The following EHD1 variants were observed in gnomAD, a reference collection of about 807,000 sequenced individuals.
EHD1 encodes the protein EH domain containing 1, also known as EH domain-containing protein 1.
In EHD1, 19 loss-of-function variants were observed where a neutral mutation model predicts 39.0. That is an observed-to-expected ratio of 0.49 (90% confidence interval 0.34 to 0.72). EHD1 has a LOEUF of 0.72. Among genes scored for constraint, EHD1 ranks in the 30% least tolerant of loss-of-function variants. The pLI is 0.01. For synonymous variants in EHD1, 323 were observed against 331.2 expected, an observed-to-expected ratio of 0.98 and a Z score of 0.27; for missense variants, 542 against 751.5, an observed-to-expected ratio of 0.72 and a Z score of 3.26.
chr11:64,873,870 G>T (rs1182567547), intron 2 of EHD1, among the ~76,000 whole-genome samples: 1 of 151,278 alleles, frequency 6.6e-6, no homozygotes, highest in South Asian at 2.1e-4. Context: ...GTAGAGATGG[G>T]GTTTCACTGT....
At chr11:64,855,241 A>C in intron 4 of EHD1, 81 bp downstream of exon 4, 1 of 1,523,556 alleles carries the variant, frequency 6.6e-7, no homozygotes. Context: ...TGGAGATGGG[A>C]TTCCCTCCAA....
chr11:64,874,301 CAAAAAAA>C (rs35867760), intron 2 of EHD1, 113 bp downstream of exon 2: 39 of 476,826 alleles, frequency 8.2e-5, no homozygotes, highest in East Asian at 3.0e-4. Context: ...AAGACTCCGT[CAAAAAAA>C]AAAAAAAAAA....
At chr11:64,869,148 C>T (rs138461830) in intron 2 of EHD1, among the ~76,000 whole-genome samples, 74 of 152,358 alleles carry the variant, frequency 4.9e-4, no homozygotes, top group African/African-American at 1.6e-3. Context: ...CAAATATAAA[C>T]GGAATGTTTG....
chr11:64,869,601 T>TA (rs1253856556), intron 2 of EHD1, among the ~76,000 whole-genome samples: 1 of 152,246 alleles, frequency 6.6e-6, no homozygotes, highest in African/African-American at 2.4e-5. Flanking sequence ...CTGGAGAGGC[T>TA]ATGGTGTTTC....
intron 4 of EHD1, 71 bp downstream of exon 4, chr11:64,855,251 A>C (rs1303475977): frequency 2.6e-6 from 4 of 1,549,670 alleles, no homozygotes; most frequent in Middle Eastern, 2.3e-4. Context: ...ATTCCCTCCA[A>C]ATCCAGTGCC....
chr11:64,873,543 G>T (rs1327429637), intron 2 of EHD1, among the ~76,000 whole-genome samples: 2 of 152,160 alleles, frequency 1.3e-5, no homozygotes, highest in Admixed American at 6.5e-5. Flanking sequence ...AGCCACATAA[G>T]ATTGGCTGTG....
At chr11:64,867,478 G>A (rs1184508057) in intron 2 of EHD1, among the ~76,000 whole-genome samples, 1 of 151,808 alleles carries the variant, frequency 6.6e-6, no homozygotes, top group Non-Finnish European at 1.5e-5. Context: ...CAGCACTTTG[G>A]GAGGCCGAGG....
chr11:64,857,373 G>A (rs1048280457), intron 3 of EHD1, among the ~76,000 whole-genome samples: 3 of 152,124 alleles, frequency 2.0e-5, no homozygotes, highest in Admixed American at 1.3e-4. Flanking sequence ...GCAGTGAGCC[G>A]AGATTGCGCC....
At chr11:64,863,930 C>T (rs185228096) in intron 2 of EHD1, among the ~76,000 whole-genome samples, 4 of 152,326 alleles carry the variant, frequency 2.6e-5, no homozygotes, top group African/African-American at 7.2e-5. Flanking sequence ...ACAGGGACAG[C>T]CTCCTTGGCA....
At chr11:64,879,040 C>G (rs1455862742), upstream of EHD1, 14 of 996,374 alleles carry the variant, frequency 1.4e-5, no homozygotes, top group Non-Finnish European at 1.7e-5. Context: ...TCGCCACGTG[C>G]GGTCCTCCAG....
At chr11:64,878,709 G>C (rs1943919680), upstream of EHD1, 1 of 1,348,432 alleles carries the variant, frequency 7.4e-7, no homozygotes, top group African/African-American at 1.5e-5. Context: ...GCGGAATTGG[G>C]GGCGGTAGGG....
chr11:64,877,929 A>C, intron 1 of EHD1, 132 bp downstream of exon 1: 2 of 920,394 alleles, frequency 2.2e-6, no homozygotes, highest in Non-Finnish European at 3.0e-6. Flanking sequence ...TGGACCAGGG[A>C]GTGGTCACTG....
chr11:64,873,928 C>T (rs1352376137), intron 2 of EHD1, among the ~76,000 whole-genome samples: 1 of 151,276 alleles, frequency 6.6e-6, no homozygotes, highest in Non-Finnish European at 1.5e-5. Context: ...CCGCCCACCT[C>T]GGCCTCCCAA....
At position 64,854,485 on chromosome 11, in the gene EHD1, A is replaced by G; in HGVS notation, c.1453T>C (p.Trp485Arg). The G allele has an allele frequency of 6.2e-7, 1 of 1,614,152 alleles. No individual in the cohort carries two copies. The highest frequency in any genetic ancestry group is 8.5e-7 in the Non-Finnish European group (1 of 1,179,992). The change falls in exon 5 of 5, where the codon TGG becomes CGG. Residue 485 changes from tryptophan (W) to arginine (R), a missense_variant. Transcript: ENST00000320631. Reference sequence around the variant, plus strand: ...TCCTTGTCCACGTCGGCCAGCTTCCAGATCTTCCCTAGCACGGTGTTGGGG... The same window carrying G: ...TCCTTGTCCACGTCGGCCAGCTTCCGGATCTTCCCTAGCACGGTGTTGGGG... ...KLPNTVLGKI[W>R]KLADVDKDGL...
At chr11:64,869,271 C>A (rs928450762) in intron 2 of EHD1, among the ~76,000 whole-genome samples, 3 of 152,254 alleles carry the variant, frequency 2.0e-5, no homozygotes, top group Non-Finnish European at 2.9e-5. Context: ...CTGCACGCCC[C>A]CAGCAGAGGC....
chr11:64,878,420 C>T lies in EHD1; in HGVS notation c.45G>A (p.Pro15=), dbSNP rs11545095. The change falls in exon 1 of 5, where the codon CCG becomes CCA. Residue 15 remains proline, a synonymous_variant. Transcript: ENST00000320631. ...VSKDARRKKE[P]ELFQTVAEGL... Reference sequence around the variant, plus strand: ...CCTCAGCCACCGTCTGGAAGAGCTCCGGCTCCTTCTTGCGGCGGGCATCCT... The same window carrying T: ...CCTCAGCCACCGTCTGGAAGAGCTCTGGCTCCTTCTTGCGGCGGGCATCCT... 1 of 1,613,350 alleles carries T rather than the reference C, an allele frequency of 6.2e-7. No homozygotes were observed. The highest frequency in any genetic ancestry group is 8.5e-7 in the Non-Finnish European group (1 of 1,179,766).
intron 2 of EHD1, among the ~76,000 whole-genome samples, chr11:64,870,853 C>T (rs1420146919): frequency 6.6e-6 from 1 of 152,226 alleles, no homozygotes; most frequent in Non-Finnish European, 1.5e-5. Context: ...GGCCACCTTT[C>T]TCTGCTGACA....
Position 64,878,559 on chromosome 11 carries a change from A to C in EHD1, c.-95T>G, listed in dbSNP as rs1288575335. 6.8e-7 allele frequency: 1 copy of C among 1,465,296 alleles called. No individual in the cohort carries two copies. The highest frequency in any genetic ancestry group is 9.0e-7 in the Non-Finnish European group (1 of 1,112,612). The allele number at this position is 1,465,296 out of a possible 1,614,324, so 90.8% of individuals were successfully genotyped here. A position where few individuals can be genotyped will look rare whatever the true frequency, so the allele number is the denominator to read the frequency against. ...GAGGCGGGGCCGGCCGGGGCAGGGA[A>C]TCGGGAGCGACCCACACTGCGCAGG... is the stretch of plus-strand genomic sequence containing the variant. On this transcript the variant is annotated 5_prime_UTR_variant, in exon 1 of 5. Transcript: ENST00000320631.
Position 64,860,318 on chromosome 11 carries a change from A to G in EHD1, c.521T>C (p.Val174Ala). Residue 174 changes from valine to alanine, a missense_variant, in exon 3 of 5, where the codon GTC becomes GCC. Transcript: ENST00000320631. The stretch of plus-strand genomic sequence containing the variant: ...CACACGCTCCGCGAACCACTCCAGG[A>G]CGGCTGCAAAGTCATAGCCTGGGGG... ...RISRGYDFAAVLEWFAERVDR... is the reference protein window; with the variant it reads ...RISRGYDFAAALEWFAERVDR... 1 of 1,612,620 alleles carries G rather than the reference A, an allele frequency of 6.2e-7. No homozygotes were observed. The highest frequency in any genetic ancestry group is 8.5e-7 in the Non-Finnish European group (1 of 1,179,062).
Sources: gnomAD v4.1 joint callset for allele counts (sites outside exome capture counted in the v4.1 genomes callset) on GRCh38, gnomAD v4.1.1 for gene constraint, MANE v1.5 for transcripts, NCBI Gene and HGNC (gene_info 2026-07-23, HGNC 2026-07-21) for gene names.